The following SPARCL1 variants were observed in gnomAD, a reference collection of about 807,000 sequenced individuals.
The protein encoded by SPARCL1 is SPARC like 1, also known as SPARC-like protein 1.
In SPARCL1, 52 loss-of-function variants were observed where a neutral mutation model predicts 67.1. That is an observed-to-expected ratio of 0.78 (90% CI 0.62 to 0.98). The LOEUF (loss-of-function observed/expected upper bound fraction) is 0.98. Ranked by LOEUF, SPARCL1 falls within the 50% of genes least tolerant of loss-of-function variation. The pLI, the probability that SPARCL1 is intolerant of heterozygous loss-of-function variation, is 0.00. For synonymous variants in SPARCL1, 226 were observed against 267.8 expected (o/e 0.84, Z 1.52); for missense variants, 717 against 782.4 (o/e 0.92, Z 1.00).
chr4:87,480,092 T>G (rs1268723398), intron 9 of SPARCL1, among the ~76,000 whole-genome samples: 1 of 152,094 alleles, frequency 6.6e-6, no homozygotes, highest in African/African-American at 2.4e-5. Context: ...CTTCAAAAAG[T>G]TCATTGAGAA....
intron 7 of SPARCL1, among the ~76,000 whole-genome samples, chr4:87,486,456 T>A (rs1050736266): frequency 6.6e-6 from 1 of 152,184 alleles, no homozygotes; most frequent in African/African-American, 2.4e-5. Flanking sequence ...TTCTTTCACA[T>A]CTGCTGAGGA....
In SPARCL1 at chr4:87,478,050, G is replaced by C. The variant is rs147966141; in HGVS notation, c.1966+1380C>G. ...TTCAAGGCATTCTACATATGCATGG[G>C]GGATATTTTAAAAATGAAGTATGCA... On this transcript the variant is annotated intron_variant, in intron 10 of 10. Transcript: ENST00000282470. Among the ~76,000 whole-genome samples, 733 of 152,188 alleles carry C rather than the reference G, an allele frequency of 4.8e-3. 2 individuals are homozygous for C. The highest frequency in any genetic ancestry group is 0.017 in the African/African-American group (695 of 41,518).
At position 87,482,658 on chromosome 4, in the gene SPARCL1, G is replaced by A. The variant is rs920689251; in HGVS notation, c.1532-98C>T. The A allele has an allele frequency of 1.7e-5, 23 of 1,369,620 alleles. No individual in the cohort carries two copies. In the Admixed American group the frequency reaches 2.0e-4, roughly 12 times the overall value. 84.8% of individuals were successfully genotyped at this position (1,369,620 alleles called of 1,614,324 possible). ...GCTTAACGACTTCTGGCAACTGACA[G>A]AGCTTTCTCAGGTCCCCATTATTAT... On this transcript the variant is annotated intron_variant, in intron 7 of 10. Transcript: ENST00000282470.
At chr4:87,504,668 C>T (rs1400051601) in intron 1 of SPARCL1, among the ~76,000 whole-genome samples, 1 of 152,036 alleles carries the variant, frequency 6.6e-6, no homozygotes, top group African/African-American at 2.4e-5. Flanking sequence ...CTCCATTTTA[C>T]CTCTTACACA....
At chr4:87,525,040 G>A (rs1725984054) in intron 1 of SPARCL1, among the ~76,000 whole-genome samples, 1 of 151,894 alleles carries the variant, frequency 6.6e-6, no homozygotes, top group Non-Finnish European at 1.5e-5. Flanking sequence ...GTACATGCCT[G>A]TAGTCCCAGC....
At chr4:87,476,948 G>T (rs1470730602) in intron 10 of SPARCL1, among the ~76,000 whole-genome samples, 3 of 152,234 alleles carry the variant, frequency 2.0e-5, no homozygotes, top group African/African-American at 7.2e-5. Flanking sequence ...TTCCAAAGCA[G>T]TAAGTTGTTT....
intron 1 of SPARCL1, among the ~76,000 whole-genome samples, chr4:87,525,955 A>C (rs554597798): frequency 3.3e-5 from 5 of 152,316 alleles, no homozygotes; most frequent in Non-Finnish European, 7.3e-5. Context: ...AAAAAAACAA[A>C]AAAAAGACTC....
At chr4:87,508,578 C>T (rs1725207050) in intron 1 of SPARCL1, among the ~76,000 whole-genome samples, 1 of 151,806 alleles carries the variant, frequency 6.6e-6, no homozygotes, top group Admixed American at 6.6e-5. Flanking sequence ...GTCTTATGAC[C>T]TACAATCACA....
chr4:87,522,704 C>G (rs1725875492), intron 1 of SPARCL1, among the ~76,000 whole-genome samples: 1 of 151,286 alleles, frequency 6.6e-6, no homozygotes, highest in South Asian at 2.1e-4. Context: ...GAGTTAACCT[C>G]TATTCAGACT....
In SPARCL1 at chr4:87,473,722, A is replaced by C; in HGVS notation, c.*53T>G. ...GTATCACAGCTGCATATATTTCTGA[A>C]GTGGTTAGAACAGAGGAGGATGCTG... On this transcript the variant is annotated 3_prime_UTR_variant, in exon 11 of 11. Transcript: ENST00000282470. 1 of 1,339,582 alleles carries C rather than the reference A, an allele frequency of 7.5e-7. No homozygotes were observed. The highest frequency in any genetic ancestry group is 1.0e-6 in the Non-Finnish European group (1 of 958,068). The allele number at this position is 1,339,582 out of a possible 1,614,324, so 83.0% of individuals were successfully genotyped here.
At chr4:87,518,088 T>C (rs953136381) in intron 1 of SPARCL1, among the ~76,000 whole-genome samples, 1 of 152,242 alleles carries the variant, frequency 6.6e-6, no homozygotes, top group Non-Finnish European at 1.5e-5. Flanking sequence ...TTACTTATTA[T>C]CTACCTTTTC....
chr4:87,518,520 T>A (rs1407230337), intron 1 of SPARCL1, among the ~76,000 whole-genome samples: 1 of 152,230 alleles, frequency 6.6e-6, no homozygotes, highest in African/African-American at 2.4e-5. Flanking sequence ...AGACATCAGC[T>A]GTTTTTATCA....
Position 87,488,940 on chromosome 4 carries a change from C to G in SPARCL1, c.1531+1333G>C, listed in dbSNP as rs549556635. Among the ~76,000 whole-genome samples, 145 of 152,282 alleles carry G rather than the reference C, an allele frequency of 9.5e-4. 1 individual carries two copies. The highest frequency in any genetic ancestry group is 3.4e-3 in the Middle Eastern group (1 of 294). ...CAGTAATGGTGGATGCCCCTCCCCC[C>G]CACCAAACTCAAGCATCCCAGGTCA... On this transcript the variant is annotated intron_variant, in intron 7 of 10. Coordinates refer to ENST00000282470, the MANE Select transcript of SPARCL1 (RefSeq NM_004684.6).
intron 1 of SPARCL1, among the ~76,000 whole-genome samples, chr4:87,518,247 T>C (rs939340973): frequency 5.9e-5 from 9 of 152,148 alleles, no homozygotes; most frequent in African/African-American, 1.9e-4. Flanking sequence ...AAGACACAGC[T>C]TGCCCACAGC....
chr4:87,525,678 G>A (rs1405513029), intron 1 of SPARCL1, among the ~76,000 whole-genome samples: 2 of 152,134 alleles, frequency 1.3e-5, no homozygotes, highest in Non-Finnish European at 2.9e-5. Flanking sequence ...ATCTTTAAAG[G>A]AAACATTTAG....
At chr4:87,521,635 A>G (rs1277103099) in intron 1 of SPARCL1, among the ~76,000 whole-genome samples, 2 of 152,184 alleles carry the variant, frequency 1.3e-5, no homozygotes, top group Non-Finnish European at 2.9e-5. Context: ...AACTTGTTTC[A>G]ATATTTTTGG....
chr4:87,489,840 G>A lies in SPARCL1; in HGVS notation c.1531+433C>T, dbSNP rs151229459. On this transcript the variant is annotated intron_variant, in intron 7 of 10. Transcript: ENST00000282470. ...GGTAAGGGGAGCCAAACACAATTGA[G>A]AATATCCTGGGGAAGGAAGACAGCC... 4.6e-5 allele frequency among the ~76,000 whole-genome samples: 7 copies of A among 152,322 alleles called. No homozygotes were observed. In the East Asian group the frequency reaches 1.3e-3, roughly 29 times the overall value.
chr4:87,475,519 G>A (rs1458795610), intron 10 of SPARCL1, among the ~76,000 whole-genome samples: 1 of 152,086 alleles, frequency 6.6e-6, no homozygotes, highest in Non-Finnish European at 1.5e-5. Flanking sequence ...TTTTCCTTGG[G>A]AGAATTAATT....
At chr4:87,513,301 C>A (rs1180114068) in intron 1 of SPARCL1, among the ~76,000 whole-genome samples, 1 of 152,104 alleles carries the variant, frequency 6.6e-6, no homozygotes, top group Non-Finnish European at 1.5e-5. Flanking sequence ...AATTATTTGG[C>A]CAAATGTACA....
Sources: allele counts gnomAD v4.1 joint callset (sites outside exome capture counted in the v4.1 genomes callset), GRCh38; gene constraint gnomAD v4.1.1; transcripts MANE v1.5; gene names NCBI Gene and HGNC (gene_info 2026-07-23, HGNC 2026-07-21).